RTN1: variants seen among roughly 807,000 people sequenced by gnomAD.
RTN1 encodes the protein reticulon 1.
In RTN1, 25 loss-of-function variants were observed where a neutral mutation model predicts 65.5. The observed-to-expected ratio is 0.38, with a 90% CI of 0.28 to 0.53. RTN1 has a LOEUF of 0.53. Ranked by LOEUF, RTN1 falls within the 20% of genes least tolerant of loss-of-function variation. RTN1 has a pLI of 0.79. For synonymous variants in RTN1, 471 were observed against 447.6 expected (o/e 1.05, Z -0.66); for missense variants, 983 against 1,025.4 (o/e 0.96, Z 0.57).
chr14:59,760,328 AT>A (rs1318670889), intron 1 of RTN1, among the ~76,000 whole-genome samples: 1 of 152,220 alleles, frequency 6.6e-6, no homozygotes, highest in Non-Finnish European at 1.5e-5. Flanking sequence ...ATATGTTTGT[AT>A]TGTTCATATC....
chr14:59,707,042 A>T (rs1884309805), intron 3 of RTN1, among the ~76,000 whole-genome samples: 1 of 152,236 alleles, frequency 6.6e-6, no homozygotes, highest in African/African-American at 2.4e-5. Flanking sequence ...AGGTGTTCTA[A>T]CCATGTGCTG....
chr14:59,603,343 AT>A, intron 6 of RTN1, 85 bp from the exon 7 acceptor site: 1 of 997,178 alleles, frequency 1.0e-6, no homozygotes, highest in Non-Finnish European at 1.5e-6. Context: ...TGGTTATATG[AT>A]ATTATAGCAT....
intron 1 of RTN1, among the ~76,000 whole-genome samples, chr14:59,775,224 A>G (rs1886029594): frequency 6.6e-6 from 1 of 152,114 alleles, no homozygotes; most frequent in African/African-American, 2.4e-5. Context: ...TGAAAATCTC[A>G]TATTAGAGAT....
intron 1 of RTN1, among the ~76,000 whole-genome samples, chr14:59,862,727 G>A (rs1887732475): frequency 6.6e-6 from 1 of 152,098 alleles, no homozygotes; most frequent in African/African-American, 2.4e-5. Context: ...CCAAAAACAA[G>A]ATAACATATA....
chr14:59,815,295 G>C (rs1886799635), intron 1 of RTN1, among the ~76,000 whole-genome samples: 2 of 152,170 alleles, frequency 1.3e-5, no homozygotes, highest in African/African-American at 2.4e-5. Context: ...GATAGCACTG[G>C]AAGTGAAGCA....
intron 4 of RTN1, among the ~76,000 whole-genome samples, chr14:59,606,715 ATTTTTG>A (rs1194787753): frequency 6.6e-6 from 1 of 152,116 alleles, no homozygotes. Context: ...TTGCCCTTTT[ATTTTTG>A]TATTTCCTCC....
At chr14:59,663,111 C>T (rs1035724837) in intron 3 of RTN1, among the ~76,000 whole-genome samples, 4 of 152,082 alleles carry the variant, frequency 2.6e-5, no homozygotes, top group African/African-American at 4.8e-5. Context: ...GAAATAACAC[C>T]GCACATCTAC....
chr14:59,727,417 C>T lies in RTN1; in HGVS notation c.1267G>A (p.Ala423Thr), dbSNP rs375139436. 25 of 1,550,212 alleles carry T rather than the reference C, an allele frequency of 1.6e-5. No homozygotes were observed. The highest frequency in any genetic ancestry group is 1.4e-4 in the African/African-American group (10 of 73,378). The stretch of plus-strand genomic sequence containing the variant: ...TAGCCTGAGGGCAGCGCGTCCTCCG[C>T]GGCCATGGGGTCCTCGGACACCAGC... ...IELVSEDPMA[A>T]EDALPSGYVS... Residue 423 changes from alanine to threonine, a missense_variant, in exon 3 of 9, where the codon GCG (alanine) becomes ACG (threonine). This residue lies in a region of RTN1 where 818 missense variants were observed against 801.8 expected (regional missense o/e 1.02). Transcript: ENST00000267484. The surrounding 1 kb of genome is among the most constrained non-coding windows in gnomAD (Gnocchi z 4.2).
intron 3 of RTN1, among the ~76,000 whole-genome samples, chr14:59,673,612 A>G (rs1315557922): frequency 6.6e-6 from 1 of 152,132 alleles, no homozygotes; most frequent in Non-Finnish European, 1.5e-5. Flanking sequence ...CTTAGAATGG[A>G]AGCATGCATG....
intron 1 of RTN1, among the ~76,000 whole-genome samples, chr14:59,812,021 C>T (rs1236645964): frequency 6.6e-6 from 1 of 152,080 alleles, no homozygotes; most frequent in Non-Finnish European, 1.5e-5. Flanking sequence ...TGAATAGCAC[C>T]TCACTGTGCT....
chr14:59,605,391 G>C lies in RTN1; in HGVS notation c.2089C>G (p.Gln697Glu), dbSNP rs754671597. The part of the protein sequence containing the change: ...LKELRRLFLV[Q>E]DLVDSLKFAV... ...ACTTTTAAGGAATCCACCAGGTCCT[G>C]GACAAGGAAGAGCCTCCTCAGTTCC... The change falls in exon 5 of 9, where the codon CAG becomes GAG. Residue 697 changes from glutamine (Q) to glutamate (E), a missense_variant. By Grantham distance (29) the Gln-to-Glu change is conservative. Around this residue, in one of 2 missense-constraint regions of RTN1, gnomAD observed 165 missense variants for 223.6 expected, o/e 0.74. Coordinates refer to ENST00000267484, the MANE Select transcript of RTN1 (RefSeq NM_021136.3). 5.6e-6 allele frequency: 9 copies of C among 1,614,116 alleles called. No homozygotes were observed. In the South Asian group the frequency reaches 9.9e-5, roughly 18 times the overall value.
intron 3 of RTN1, among the ~76,000 whole-genome samples, chr14:59,714,528 A>G (rs1382646346): frequency 6.6e-6 from 1 of 152,174 alleles, no homozygotes; most frequent in East Asian, 1.9e-4. Flanking sequence ...CCCTTGGTCT[A>G]GAGCCTTGAA....
intron 3 of RTN1, among the ~76,000 whole-genome samples, chr14:59,640,850 T>C (rs905419642): frequency 3.3e-5 from 5 of 152,228 alleles, no homozygotes; most frequent in Admixed American, 2.0e-4. Context: ...GTATATCTGC[T>C]TTCTATTTCA....
At chr14:59,751,142 C>T (rs1276546783) in intron 1 of RTN1, among the ~76,000 whole-genome samples, 1 of 147,974 alleles carries the variant, frequency 6.8e-6, no homozygotes, top group Non-Finnish European at 1.5e-5. Context: ...ATTTTGTGAG[C>T]AACAGACTAG....
chr14:59,799,625 A>G (rs1207235676), intron 1 of RTN1, among the ~76,000 whole-genome samples: 1 of 152,244 alleles, frequency 6.6e-6, no homozygotes, highest in African/African-American at 2.4e-5. Flanking sequence ...GAGAGTTCAC[A>G]TTCTTCTCCA....
chr14:59,739,540 CAAAA>C (rs34758637), intron 2 of RTN1, among the ~76,000 whole-genome samples: 3 of 113,034 alleles, frequency 2.7e-5, no homozygotes, highest in Non-Finnish European at 3.8e-5. Context: ...GACTCTGTCT[CAAAA>C]AAAAAAAAAA....
rs1165354867 is a variant in RTN1 at position 59,790,704 on chromosome 14, A to G, written c.242-44223T>C. Among the ~76,000 whole-genome samples, 4 of 152,064 alleles carry G rather than the reference A, an allele frequency of 2.6e-5. No individual in the cohort carries two copies. Among genetic ancestry groups the G allele is most frequent in the South Asian group, 2.1e-4 (1 of 4,826 alleles). ...TCAGTTACTTCAAGACTTTTTTTGC[A>G]AGTTCTTTTTAATGTTTTTTCTTTT... On this transcript the variant is annotated intron_variant, in intron 1 of 8. Transcript: ENST00000267484. This position sits in a 1 kb window ranked among gnomAD's most constrained non-coding sequence, Gnocchi z 4.1.
intron 1 of RTN1, among the ~76,000 whole-genome samples, chr14:59,752,822 A>G (rs1327751764): frequency 6.6e-6 from 1 of 152,198 alleles, no homozygotes; most frequent in East Asian, 1.9e-4. Flanking sequence ...GCAAATTACA[A>G]AGAGGACATT....
intron 1 of RTN1, among the ~76,000 whole-genome samples, chr14:59,824,296 TC>T (rs1485531008): frequency 1.3e-5 from 2 of 152,236 alleles, no homozygotes; most frequent in Admixed American, 6.5e-5. Flanking sequence ...TCTACCATGT[TC>T]TTCATTATCT....
Sources: gnomAD v4.1 joint callset for allele counts (sites outside exome capture counted in the v4.1 genomes callset) on GRCh38, gnomAD v4.1.1 for gene constraint, gnomAD v4.1.1 regional missense constraint, Gnocchi (gnomAD v3.1) non-coding constraint, MANE v1.5 for transcripts, NCBI Gene and HGNC (gene_info 2026-07-23, HGNC 2026-07-21) for gene names.